The following SRBD1 variants were observed in gnomAD, a reference collection of about 807,000 sequenced individuals.
SRBD1 encodes the protein S1 RNA binding domain 1.
SRBD1 carries 88 observed loss-of-function variants against 115.3 expected under a neutral mutation model. The ratio of observed to expected loss-of-function variants is 0.76; its 90% confidence interval spans 0.64 to 0.91. The LOEUF (loss-of-function observed/expected upper bound fraction) is 0.91, where lower values mean the gene tolerates loss of function less well. Among genes scored for constraint, SRBD1 ranks in the 40% least tolerant of loss-of-function variants. The pLI, the probability that SRBD1 is intolerant of heterozygous loss-of-function variation, is 0.00. For missense variants in SRBD1, 1,385 were observed against 1,177.4 expected, an observed-to-expected ratio of 1.18 and a Z score of -2.58; for synonymous variants, 509 against 407.7, an observed-to-expected ratio of 1.25 and a Z score of -2.99.
Position 45,418,526 on chromosome 2 carries a change from G to A in SRBD1, c.2172C>T (p.Leu724=), listed in dbSNP as rs762401559. The change falls in exon 18 of 21, where the codon CTC becomes CTT. Residue 724 remains leucine (L), a synonymous_variant. Transcript: ENST00000263736. ...SEVLLRHIAG[L]NANRAKNIIE... is the part of the protein sequence containing the mutation. ...TAATATTTTTGGCCCTGTTGGCATT[G>A]AGTCCTGCAATATGCCTAGAAAAAA... The A allele has an allele frequency of 3.7e-6, 6 of 1,607,664 alleles. No individual in the cohort carries two copies. The highest frequency in any genetic ancestry group is 5.1e-6 in the Non-Finnish European group (6 of 1,176,572).
chr2:45,417,954 G>C (rs1667881117), intron 18 of SRBD1, among the ~76,000 whole-genome samples: 1 of 152,160 alleles, frequency 6.6e-6, no homozygotes, highest in Non-Finnish European at 1.5e-5. Flanking sequence ...TGTTCACTTT[G>C]CCTGGAATGC....
At chr2:45,517,077 C>A (rs559159645) in intron 14 of SRBD1, among the ~76,000 whole-genome samples, 7 of 152,030 alleles carry the variant, frequency 4.6e-5, no homozygotes, top group Non-Finnish European at 1.0e-4. Context: ...TAAAATATAC[C>A]AAGAAATTAG....
intron 14 of SRBD1, among the ~76,000 whole-genome samples, chr2:45,524,708 G>T (rs1167678462): frequency 6.6e-6 from 1 of 151,912 alleles, no homozygotes; most frequent in Non-Finnish European, 1.5e-5. Context: ...TTGTAAAAAG[G>T]ACAATAATCC....
At chr2:45,497,868 C>T (rs1202195745) in intron 14 of SRBD1, among the ~76,000 whole-genome samples, 2 of 152,052 alleles carry the variant, frequency 1.3e-5, no homozygotes, top group African/African-American at 4.8e-5. Context: ...AACCCTGTCT[C>T]TACTAAAAAT....
intron 16 of SRBD1, among the ~76,000 whole-genome samples, chr2:45,427,630 C>T (rs931662451): frequency 1.8e-4 from 28 of 152,276 alleles, no homozygotes; most frequent in African/African-American, 6.7e-4. Flanking sequence ...CAGCATCATC[C>T]TGATACCAAA....
Position 45,418,531 on chromosome 2 carries a change from C to T in SRBD1, c.2167G>A (p.Gly723Arg), listed in dbSNP as rs1458461708. 1 of 1,601,938 alleles carries T rather than the reference C, an allele frequency of 6.2e-7. No homozygotes were observed. Among genetic ancestry groups the T allele is most frequent in the Non-Finnish European group, 8.5e-7 (1 of 1,176,268 alleles). Reference sequence around the variant, plus strand: ...TTTTTGGCCCTGTTGGCATTGAGTCCTGCAATATGCCTAGAAAAAAAAAAT... The same window carrying T: ...TTTTTGGCCCTGTTGGCATTGAGTCTTGCAATATGCCTAGAAAAAAAAAAT... ...CSEVLLRHIA[G>R]LNANRAKNII... The change falls in exon 18 of 21, where the codon GGA becomes AGA. Residue 723 changes from glycine (G) to arginine (R), a missense_variant. Physicochemically the swap from Gly to Arg is moderately radical, Grantham distance 125 (BLOSUM62 -2). Coordinates refer to ENST00000263736, the MANE Select transcript of SRBD1 (RefSeq NM_018079.5).
chr2:45,472,158 A>G (rs1416865479), intron 16 of SRBD1, among the ~76,000 whole-genome samples: 2 of 152,154 alleles, frequency 1.3e-5, no homozygotes, highest in Non-Finnish European at 2.9e-5. Flanking sequence ...ACTTAGCCAT[A>G]AAGAAGAATG....
Position 45,551,255 on chromosome 2 carries a change from C to G in SRBD1, c.1545G>C (p.Lys515Asn). 6.2e-7 allele frequency: 1 copy of G among 1,605,220 alleles called. No homozygotes were observed. Among genetic ancestry groups the G allele is most frequent in the Middle Eastern group, 1.7e-4 (1 of 6,046 alleles). The change falls in exon 12 of 21, where the codon AAG (lysine) becomes AAC (asparagine). Residue 515 changes from lysine (K) to asparagine (N), a missense_variant. Lys to Asn is a moderately conservative substitution (Grantham distance 94). Transcript: ENST00000263736. ...FRAKLTSDAE[K>N]ESVMMFGRNL... ...TCCGTCCAAACATCATTACTGATTC[C>G]TTCTCTGCATCTGATGTTAGTTTGG...
chr2:45,476,350 T>C (rs1489318892), intron 16 of SRBD1, among the ~76,000 whole-genome samples: 2 of 152,158 alleles, frequency 1.3e-5, no homozygotes, highest in Non-Finnish European at 2.9e-5. Flanking sequence ...GTACCTATCA[T>C]TCAAATCCCA....
At chr2:45,598,029 A>T (rs1312665532) in intron 4 of SRBD1, among the ~76,000 whole-genome samples, 3 of 152,234 alleles carry the variant, frequency 2.0e-5, no homozygotes, top group African/African-American at 4.8e-5. Context: ...AAAGGAAAAG[A>T]GAAGGGAAGT....
intron 16 of SRBD1, chr2:45,447,593 T>A (rs1217440672): frequency 6.6e-6 from 1 of 152,224 alleles, no homozygotes; most frequent in Admixed American, 6.5e-5. Flanking sequence ...CTGCCTCTAA[T>A]CAGAATCTCC....
chr2:45,575,185 A>G (rs1350505005), intron 7 of SRBD1, among the ~76,000 whole-genome samples: 1 of 152,240 alleles, frequency 6.6e-6, no homozygotes, highest in African/African-American at 2.4e-5. Flanking sequence ...TATCCTTTAG[A>G]AGCAATTTCT....
At chr2:45,502,623 T>G (rs371339844) in intron 14 of SRBD1, among the ~76,000 whole-genome samples, 2 of 151,476 alleles carry the variant, frequency 1.3e-5, no homozygotes, top group African/African-American at 4.9e-5. Flanking sequence ...TAGGTGGGAA[T>G]TGAACAATGA....
At chr2:45,564,138 CA>C (rs779928560) in intron 9 of SRBD1, among the ~76,000 whole-genome samples, 1 of 152,074 alleles carries the variant, frequency 6.6e-6, no homozygotes, top group Non-Finnish European at 1.5e-5. Context: ...GTTGATTTAA[CA>C]TCTAAAAAAT....
chr2:45,484,704 T>C (rs1412036144), intron 15 of SRBD1, among the ~76,000 whole-genome samples: 4 of 152,214 alleles, frequency 2.6e-5, no homozygotes, highest in Admixed American at 6.5e-5. Context: ...ATTTTCATTA[T>C]GCCAAAAGAA....
rs1329402853 is a variant in SRBD1 at position 45,477,101 on chromosome 2, G to C, written c.1967-26C>G. On this transcript the variant is annotated intron_variant, in intron 15 of 20. Coordinates refer to ENST00000263736, the MANE Select transcript of SRBD1 (RefSeq NM_018079.5). The stretch of plus-strand genomic sequence containing the variant: ...CTGAAAAAACAGAATCAGAAAACAA[G>C]TATGACTTAATGTGAAAAGCAGTAC... The C allele has an allele frequency of 5.0e-6, 8 of 1,592,596 alleles. No individual in the cohort carries two copies. The East Asian group carries it at 1.8e-4, about 36-fold the overall frequency.
chr2:45,570,945 G>C (rs1373737254), intron 9 of SRBD1, among the ~76,000 whole-genome samples: 1 of 152,094 alleles, frequency 6.6e-6, no homozygotes, highest in East Asian at 1.9e-4. Context: ...CAGCCATGAG[G>C]GGTAAGGGAT....
chr2:45,607,710 A>C lies in SRBD1; in HGVS notation c.1-2269T>G, dbSNP rs79641204. Among the ~76,000 whole-genome samples the C allele has an allele frequency of 3.7e-3, 567 of 152,314 alleles. 10 individuals carry two copies. Among genetic ancestry groups the C allele is most frequent in the African/African-American group, 0.013 (541 of 41,560 alleles). On this transcript the variant is annotated intron_variant, in intron 1 of 20. Transcript: ENST00000263736. ...GGTTAGGGCTGTGTATAAACTGACA[A>C]AGGAATATCTCTAAGTGTCCTACCT... is the stretch of plus-strand genomic sequence containing the variant.
intron 1 of SRBD1, among the ~76,000 whole-genome samples, chr2:45,605,679 G>A (rs6741616): frequency 0.077 from 11,695 of 152,146 alleles, 775 homozygotes; most frequent in African/African-American, 0.18. Context: ...CAAGGAGGGC[G>A]GATCACCTGA....
Sources: gnomAD v4.1 joint callset for allele counts (sites outside exome capture counted in the v4.1 genomes callset) on GRCh38, gnomAD v4.1.1 for gene constraint, MANE v1.5 for transcripts, NCBI Gene and HGNC (gene_info 2026-07-23, HGNC 2026-07-21) for gene names.